The following IGF2BP3 variants were observed in gnomAD, a reference collection of about 807,000 sequenced individuals.
IGF2BP3 encodes the protein insulin like growth factor 2 mRNA binding protein 3, also known as insulin-like growth factor 2 mRNA-binding protein 3.
A neutral mutation model predicts 73.8 loss-of-function variants in IGF2BP3; 9 were observed. The observed-to-expected ratio is 0.12, with a 90% confidence interval of 0.07 to 0.21. IGF2BP3 has a LOEUF of 0.21. Among genes scored for constraint, IGF2BP3 ranks in the 10% least tolerant of loss-of-function variants. The pLI is 1.00. For synonymous variants in IGF2BP3, 258 were observed against 256.7 expected (o/e 1.01, Z -0.05); for missense variants, 542 against 714.0 (o/e 0.76, Z 2.75).
At chr7:23,468,066 A>C in intron 2 of IGF2BP3, 1 of 221,048 alleles carries the variant, frequency 4.5e-6, no homozygotes, top group Admixed American at 5.3e-5. Flanking sequence ...CAGAGAAGGA[A>C]AGGAGGGACC....
intron 12 of IGF2BP3, among the ~76,000 whole-genome samples, chr7:23,315,129 A>AT (rs1562664606): frequency 6.7e-6 from 1 of 148,568 alleles, no homozygotes; most frequent in African/African-American, 2.5e-5. Context: ...TTATTTTTTT[A>AT]TTTTATTTTT....
At chr7:23,372,219 C>T (rs1373249017) in intron 3 of IGF2BP3, among the ~76,000 whole-genome samples, 10 of 152,066 alleles carry the variant, frequency 6.6e-5, no homozygotes, top group Non-Finnish European at 1.3e-4. Flanking sequence ...GGACTACAGG[C>T]ACGTGCCTCC....
At chr7:23,414,511 C>A (rs962147976) in intron 3 of IGF2BP3, 2 of 152,192 alleles carry the variant, frequency 1.3e-5, no homozygotes, top group African/African-American at 4.8e-5. Context: ...CAAGATGACT[C>A]CTAGAATTGG....
At chr7:23,359,136 G>A (rs1008002344) in intron 5 of IGF2BP3, among the ~76,000 whole-genome samples, 1 of 152,110 alleles carries the variant, frequency 6.6e-6, no homozygotes, top group African/African-American at 2.4e-5. Context: ...TAACAACTAC[G>A]CTAAAGAATT....
chr7:23,384,887 TCAAAA>T (rs71715927), intron 3 of IGF2BP3, among the ~76,000 whole-genome samples: 151,580 of 151,590 alleles, frequency 1, 75,785 homozygotes, highest in Middle Eastern at 1. Context: ...TGAGACTATC[TCAAAA>T]CAAAACAAAA....
chr7:23,465,715 G>A (rs956922203), intron 2 of IGF2BP3, among the ~76,000 whole-genome samples: 7 of 152,212 alleles, frequency 4.6e-5, no homozygotes, highest in African/African-American at 1.7e-4. Flanking sequence ...GGGTGTGCCT[G>A]CCTCAGATGC....
chr7:23,384,095 C>CAAAAA (rs35378177), intron 3 of IGF2BP3, among the ~76,000 whole-genome samples: 9 of 62,504 alleles, frequency 1.4e-4, no homozygotes, highest in Admixed American at 1.9e-4. Flanking sequence ...GACTCCATCT[C>CAAAAA]AAAAAAAAAA....
intron 10 of IGF2BP3, among the ~76,000 whole-genome samples, chr7:23,339,013 G>A (rs1254454449): frequency 6.6e-6 from 1 of 152,234 alleles, no homozygotes; most frequent in Non-Finnish European, 1.5e-5. Flanking sequence ...CCATGTTGTT[G>A]TATTCCTTTA....
chr7:23,401,703 T>G (rs530446404), intron 3 of IGF2BP3, among the ~76,000 whole-genome samples: 1 of 151,950 alleles, frequency 6.6e-6, no homozygotes, highest in East Asian at 1.9e-4. Flanking sequence ...AGGTAAAGGT[T>G]GCAGTGAGCC....
At chr7:23,366,378 TC>T (rs1785371935) in intron 3 of IGF2BP3, among the ~76,000 whole-genome samples, 2 of 152,090 alleles carry the variant, frequency 1.3e-5, no homozygotes, top group Admixed American at 6.6e-5. Context: ...CCTCAAGTGA[TC>T]CACCCACCTT....
rs908562864 is a variant in IGF2BP3 at position 23,418,828 on chromosome 7, C to A, written c.237-4G>T. On this transcript the variant is annotated splice_polypyrimidine_tract_variant and splice_region_variant and intron_variant, in intron 2 of 14. Transcript: ENST00000258729. ...TCGTATCTGAAGTTTCCGAATCCTGCAGAAGAATTAAAATGTTTTTTAAAA... is the reference window on the plus strand; with the variant it reads ...TCGTATCTGAAGTTTCCGAATCCTGAAGAAGAATTAAAATGTTTTTTAAAA... The A allele has an allele frequency of 6.4e-6, 10 of 1,562,374 alleles. No individual in the cohort carries two copies. The highest frequency in any genetic ancestry group is 8.7e-6 in the Non-Finnish European group (10 of 1,146,304).
chr7:23,432,314 T>C (rs943774148), intron 2 of IGF2BP3, among the ~76,000 whole-genome samples: 13 of 152,334 alleles, frequency 8.5e-5, no homozygotes, highest in African/African-American at 3.1e-4. Flanking sequence ...CACACTGCTA[T>C]GTCTTTCTTT....
chr7:23,417,763 A>G (rs1202831266), intron 3 of IGF2BP3, among the ~76,000 whole-genome samples: 1 of 152,238 alleles, frequency 6.6e-6, no homozygotes, highest in Non-Finnish European at 1.5e-5. Context: ...CCCTAAATAA[A>G]TGTTAATCTA....
intron 3 of IGF2BP3, chr7:23,414,126 G>C (rs540156269): frequency 6.6e-6 from 1 of 152,124 alleles, no homozygotes; most frequent in South Asian, 2.1e-4. Flanking sequence ...CTCCAACCTG[G>C]GTGACAGAGC....
chr7:23,337,191 T>C (rs1420412222), intron 10 of IGF2BP3, among the ~76,000 whole-genome samples: 1 of 152,130 alleles, frequency 6.6e-6, no homozygotes, highest in Non-Finnish European at 1.5e-5. Context: ...TGAAGTTATA[T>C]ACTCAAACAA....
intron 7 of IGF2BP3, among the ~76,000 whole-genome samples, chr7:23,346,867 A>C (rs1784841933): frequency 6.6e-6 from 1 of 152,188 alleles, no homozygotes; most frequent in Non-Finnish European, 1.5e-5. Flanking sequence ...CTGGGATTAC[A>C]GGCATGAGTC....
chr7:23,345,881 A>G (rs1186987682), intron 8 of IGF2BP3, 59 bp downstream of exon 8: 9 of 1,578,502 alleles, frequency 5.7e-6, no homozygotes, highest in Non-Finnish European at 7.7e-6. Context: ...AGCCCAATAC[A>G]CAACATGCAG....
chr7:23,376,540 G>GAAAAAAAAAAAA (rs763360484), intron 3 of IGF2BP3, among the ~76,000 whole-genome samples: 1 of 88,668 alleles, frequency 1.1e-5, no homozygotes, highest in Non-Finnish European at 2.5e-5. Flanking sequence ...ATCTCCCAAA[G>GAAAAAAAAAAAA]AAAAAAAAAA....
intron 3 of IGF2BP3, among the ~76,000 whole-genome samples, chr7:23,396,970 T>C (rs1194089058): frequency 6.6e-6 from 1 of 152,198 alleles, no homozygotes; most frequent in Non-Finnish European, 1.5e-5. Context: ...AAAGGGACTC[T>C]GTATGGTTGT....
Sources: gnomAD v4.1 joint callset for allele counts (sites outside exome capture counted in the v4.1 genomes callset) on GRCh38, gnomAD v4.1.1 for gene constraint, MANE v1.5 for transcripts, NCBI Gene and HGNC (gene_info 2026-07-23, HGNC 2026-07-21) for gene names.